The following NIN variants were observed in gnomAD, a reference collection of about 807,000 sequenced individuals.
NIN encodes the protein ninein, also known as glycogen synthase kinase 3 beta-interacting protein.
A neutral mutation model predicts 257.6 loss-of-function variants in NIN; 137 were observed. The ratio of observed to expected loss-of-function variants is 0.53; its 90% CI spans 0.46 to 0.61. The LOEUF (loss-of-function observed/expected upper bound fraction) is 0.61, where lower values mean the gene tolerates loss of function less well. Among genes scored for constraint, NIN ranks in the 20% least tolerant of loss-of-function variants. NIN has a pLI of 0.00. For synonymous variants in NIN, 918 were observed against 919.8 expected (o/e 1.00, Z 0.04); for missense variants, 2,439 against 2,501.2 (o/e 0.98, Z 0.53).
At chr14:50,771,270 C>A in intron 10 of NIN, 62 bp downstream of exon 10, 1 of 1,583,962 alleles carries the variant, frequency 6.3e-7, no homozygotes, top group Admixed American at 1.8e-5. Context: ...CCAAGGCATC[C>A]GAATGACTTG....
chr14:50,781,239 A>G (rs1211595896), intron 5 of NIN, among the ~76,000 whole-genome samples: 2 of 152,136 alleles, frequency 1.3e-5, no homozygotes, highest in African/African-American at 2.4e-5. Flanking sequence ...CCATTGGTAG[A>G]AACCTACCAA....
rs1345701397 is a variant in NIN at position 50,757,619 on chromosome 14, A to C, written c.3411T>G (p.Gly1137=). ...LQQNRTKQVE[G]VTRRHVLSDL... is the part of the protein sequence containing the mutation. ...CACTTAGGACATGCCGCCTGGTCAC[A>C]CCTTCTACTTGCTTCGTTCGGTTTT... Residue 1137 remains glycine, a synonymous_variant, in exon 18 of 31, where the codon GGT becomes GGG. Transcript: ENST00000530997. 2 of 1,613,816 alleles carry C rather than the reference A, an allele frequency of 1.2e-6. No individual in the cohort carries two copies. The highest frequency in any genetic ancestry group is 4.5e-5 in the East Asian group (2 of 44,888).
At chr14:50,826,681 C>T (rs1421374966) in intron 2 of NIN, among the ~76,000 whole-genome samples, 1 of 152,116 alleles carries the variant, frequency 6.6e-6, no homozygotes, top group South Asian at 2.1e-4. Flanking sequence ...GACGTCTGTT[C>T]TGGGCCAGAG....
In NIN at chr14:50,722,747, C is replaced by A. The variant is rs2040295165; in HGVS notation, c.*716G>T. 5 of 214,412 alleles carry A rather than the reference C, an allele frequency of 2.3e-5. No individual in the cohort carries two copies. In the Admixed American group the frequency reaches 2.9e-4, roughly 12 times the overall value. The allele number at this position is 214,412 out of a possible 1,614,324, so 13.3% of individuals were successfully genotyped here. A position where few individuals can be genotyped will look rare whatever the true frequency, so the allele number is the denominator to read the frequency against. The stretch of plus-strand genomic sequence containing the variant: ...CTTTATCCGTTTCTTAGAAGACCAG[C>A]TCCCCAAATGAAACTTTTAAGAGAA... On this transcript the variant is annotated 3_prime_UTR_variant, in exon 31 of 31. Coordinates refer to ENST00000530997, the MANE Select transcript of NIN (RefSeq NM_020921.4).
In NIN at chr14:50,776,937, T is replaced by G. The variant is rs568211635; in HGVS notation, c.666+12A>C. 1.2e-6 allele frequency: 2 copies of G among 1,606,578 alleles called. No homozygotes were observed. The highest frequency in any genetic ancestry group is 4.5e-5 in the East Asian group (2 of 44,842). On this transcript the variant is annotated intron_variant, in intron 7 of 30. Transcript: ENST00000530997. ...CATCATTATCATTCCTGAATTATAC[T>G]GCGAGGCTTACCTCTCCATCCACAT...
rs540535571 is a variant in NIN, at chr14:50,761,682, A to G, written c.1896+108T>C. The G allele has an allele frequency of 8.9e-5, 114 of 1,277,720 alleles. 1 individual carries two copies. The South Asian group carries it at 1.5e-3, about 16-fold the overall frequency. The allele number at this position is 1,277,720 out of a possible 1,614,324, so 79.1% of individuals were successfully genotyped here. On this transcript the variant is annotated intron_variant, in intron 16 of 30. Coordinates refer to ENST00000530997, the MANE Select transcript of NIN (RefSeq NM_020921.4). ...ACCATCCTGAGGATGTGGGTTCCCA[A>G]CATAGAATGTGCTGCTCTATGAGAA...
At chr14:50,729,302 A>T (rs1486847124) in intron 29 of NIN, among the ~76,000 whole-genome samples, 6 of 151,076 alleles carry the variant, frequency 4.0e-5, no homozygotes, top group African/African-American at 1.5e-4. Flanking sequence ...TATGATGCCC[A>T]GGCTGGAGTA....
intron 12 of NIN, among the ~76,000 whole-genome samples, chr14:50,767,709 T>A (rs369806191): frequency 6.6e-6 from 1 of 151,058 alleles, no homozygotes; most frequent in Non-Finnish European, 1.5e-5. Context: ...CCCAGCTACT[T>A]GGGAGGCTGA....
At chr14:50,737,152 A>G (rs2041019040) in intron 27 of NIN, among the ~76,000 whole-genome samples, 1 of 152,166 alleles carries the variant, frequency 6.6e-6, no homozygotes, top group African/African-American at 2.4e-5. Flanking sequence ...TTAGATCATA[A>G]AGGGACCACA....
chr14:50,735,593 G>C lies in NIN; in HGVS notation c.5800C>G (p.Gln1934Glu), dbSNP rs2295847. 0.12 allele frequency: 191,141 copies of C among 1,610,918 alleles called. 16,657 individuals are homozygous for C. The highest frequency in any genetic ancestry group is 0.52 in the East Asian group (23,349 of 44,796). ...RKVSQMNSLE[Q>E]ELETIHLENE... ...TCCAAATGAATTGTTTCTAATTCTT[G>C]TTCAAGGGAATTCATCTGACTGACC... The change falls in exon 28 of 31, where the codon CAA (glutamine) becomes GAA (glutamate). Residue 1934 changes from glutamine to glutamate, a missense_variant. Transcript: ENST00000530997.
chr14:50,787,634 A>T (rs2043402053), intron 5 of NIN, among the ~76,000 whole-genome samples: 1 of 152,152 alleles, frequency 6.6e-6, no homozygotes, highest in Non-Finnish European at 1.5e-5. Flanking sequence ...AAAAATCACC[A>T]CTTTCTTTTC....
Position 50,809,345 on chromosome 14 carries a change from T to A in NIN, c.184-2527A>T, listed in dbSNP as rs1478588997. Among the ~76,000 whole-genome samples the A allele has an allele frequency of 2.0e-5, 3 of 152,188 alleles. 1 individual carries two copies. The highest frequency in any genetic ancestry group is 4.4e-5 in the Non-Finnish European group (3 of 68,034). ...CAGGGAGGTCTGAGGGCCTGCCTTC[T>A]CCTCCAGGATCTGCAGAGTTGCCCA... On this transcript the variant is annotated intron_variant, in intron 3 of 30. Coordinates refer to ENST00000530997, the MANE Select transcript of NIN (RefSeq NM_020921.4).
rs1271246543 is a variant in NIN at position 50,800,976 on chromosome 14, C to T, written c.265+5761G>A. ...TTTTGTATTCTTTAGTAGAGACGGG[C>T]TTTCACCATGTTGGTCATGCTGGTC... On this transcript the variant is annotated intron_variant, in intron 4 of 30. Coordinates refer to ENST00000530997, the MANE Select transcript of NIN (RefSeq NM_020921.4). Among the ~76,000 whole-genome samples the T allele has an allele frequency of 1.4e-4, 21 of 147,850 alleles. 1 individual carries two copies. Among genetic ancestry groups the T allele is most frequent in the Admixed American group, 1.4e-3 (21 of 14,860 alleles).
At chr14:50,742,445 G>C (rs538904051) in intron 24 of NIN, 1 of 150,616 alleles carries the variant, frequency 6.6e-6, no homozygotes, top group Non-Finnish European at 1.5e-5. Context: ...CCAGGCTAGA[G>C]TGCAGTGGCA....
chr14:50,766,817 TTG>T lies in NIN; in HGVS notation c.1506_1507del (p.Asn502LysfsTer16). On this transcript the variant is annotated frameshift_variant, in exon 13 of 31. Transcript: ENST00000530997. LOFTEE classifies it high-confidence loss of function. The stretch of plus-strand genomic sequence containing the variant: ...CACATTTTCCAAATTTCTCTGAAGT[TTG>T]TTTGTCAGATTCTCATATTCTGCCA... 6.2e-7 allele frequency: 1 copy of T among 1,614,022 alleles called. No individual in the cohort carries two copies. Among genetic ancestry groups the T allele is most frequent in the Non-Finnish European group, 8.5e-7 (1 of 1,179,924 alleles).
intron 4 of NIN, among the ~76,000 whole-genome samples, chr14:50,793,825 A>C (rs1356994599): frequency 6.6e-6 from 1 of 152,050 alleles, no homozygotes; most frequent in Non-Finnish European, 1.5e-5. Flanking sequence ...CTCTATTCAA[A>C]TGTTATCTCA....
intron 30 of NIN, chr14:50,725,750 C>G (rs2040383479): frequency 1.2e-6 from 1 of 849,890 alleles, no homozygotes; most frequent in Non-Finnish European, 1.8e-6. Flanking sequence ...ATGCCTTAAA[C>G]AGAGCTTTGG....
intron 4 of NIN, among the ~76,000 whole-genome samples, chr14:50,797,986 G>T (rs2043918072): frequency 6.6e-6 from 1 of 152,044 alleles, no homozygotes. Context: ...AGGGAGTTGG[G>T]AGGGGAACGT....
chr14:50,727,285 T>C, intron 29 of NIN: 1 of 975,472 alleles, frequency 1.0e-6, no homozygotes, highest in Non-Finnish European at 1.2e-6. Flanking sequence ...TCAAAAAGAT[T>C]TGTACATCTT....
Sources: gnomAD v4.1 joint callset for allele counts (sites outside exome capture counted in the v4.1 genomes callset) on GRCh38, gnomAD v4.1.1 for gene constraint, MANE v1.5 for transcripts, NCBI Gene and HGNC (gene_info 2026-07-23, HGNC 2026-07-21) for gene names.